GGT7: variants seen among roughly 807,000 people sequenced by gnomAD.
The protein encoded by GGT7 is gamma-glutamyltransferase 7.
In GGT7, 30 loss-of-function variants were observed where a neutral mutation model predicts 69.2. The ratio of observed to expected loss-of-function variants is 0.43; its 90% CI spans 0.32 to 0.59. GGT7 has a LOEUF of 0.59. Among genes scored for constraint, GGT7 ranks in the 20% least tolerant of loss-of-function variants. GGT7 has a pLI of 0.05. For missense variants in GGT7, 733 were observed against 901.1 expected, an observed-to-expected ratio of 0.81 and a Z score of 2.39; for synonymous variants, 388 against 391.8, an observed-to-expected ratio of 0.99 and a Z score of 0.12.
Position 34,859,424 on chromosome 20 carries a change from G to A in GGT7, c.1014+19C>T, listed in dbSNP as rs368589902. 338 of 1,550,838 alleles carry A rather than the reference G, an allele frequency of 2.2e-4. No individual in the cohort carries two copies. Among genetic ancestry groups the A allele is most frequent in the Middle Eastern group, 3.5e-4 (2 of 5,764 alleles). ...GGGACCTTGGGGCATGCCCCCACCC[G>A]CACAACACGAGCACTTACCTCGGCC... On this transcript the variant is annotated intron_variant, in intron 7 of 14. Transcript: ENST00000336431.
intron 14 of GGT7, among the ~76,000 whole-genome samples, chr20:34,848,641 G>T (rs1316978263): frequency 6.6e-6 from 1 of 152,248 alleles, no homozygotes; most frequent in Non-Finnish European, 1.5e-5. Flanking sequence ...TGCTTCTAAT[G>T]TGATTCAGTC....
intron 6 of GGT7, 105 bp downstream of exon 6, chr20:34,859,864 A>T: frequency 1.1e-6 from 1 of 894,718 alleles, no homozygotes; most frequent in Non-Finnish European, 1.8e-6. Flanking sequence ...GGGTCTGAGG[A>T]GCAAACTGGA....
intron 14 of GGT7, among the ~76,000 whole-genome samples, chr20:34,849,028 T>A (rs1222961576): frequency 6.6e-6 from 1 of 152,196 alleles, no homozygotes; most frequent in Admixed American, 6.5e-5. Flanking sequence ...TGATCTAATT[T>A]CATCCTTGCT....
At chr20:34,855,591 C>G (rs1345586607) in intron 8 of GGT7, among the ~76,000 whole-genome samples, 1 of 152,094 alleles carries the variant, frequency 6.6e-6, no homozygotes, top group African/African-American at 2.4e-5. Context: ...TCAGTGCATG[C>G]TCTGATCAGG....
chr20:34,854,474 C>A, intron 10 of GGT7, 57 bp downstream of exon 10: 1 of 1,057,566 alleles, frequency 9.5e-7, no homozygotes, highest in South Asian at 1.3e-5. Context: ...TTTCTCCTGA[C>A]CCTTTCCCCA....
At chr20:34,866,109 C>T (rs748907442) in intron 1 of GGT7, among the ~76,000 whole-genome samples, 3 of 152,104 alleles carry the variant, frequency 2.0e-5, no homozygotes, top group Non-Finnish European at 4.4e-5. Context: ...GATCCACAGT[C>T]CCATCTTTTG....
At chr20:34,867,000 CCAAA>C (rs771068123) in intron 1 of GGT7, among the ~76,000 whole-genome samples, 43 of 152,324 alleles carry the variant, frequency 2.8e-4, no homozygotes, top group Non-Finnish European at 5.1e-4. Context: ...TGGAATTCAT[CCAAA>C]CAAACAGACG....
intron 8 of GGT7, 57 bp downstream of exon 8, chr20:34,856,745 GTGGC>G: frequency 2.2e-6 from 2 of 918,902 alleles, no homozygotes; most frequent in Non-Finnish European, 3.6e-6. Flanking sequence ...CCAAAACGAT[GTGGC>G]CATGGACTGG....
At position 34,850,141 on chromosome 20, in the gene GGT7, A is replaced by AG. The variant is rs1327576236; in HGVS notation, c.1726-82dup. 1.1e-5 allele frequency: 11 copies of AG among 964,118 alleles called. No individual in the cohort carries two copies. The African/African-American group carries it at 1.6e-4, about 14-fold the overall frequency. 59.7% of individuals were successfully genotyped at this position (964,118 alleles called of 1,614,324 possible). On this transcript the variant is annotated intron_variant, in intron 13 of 14. Coordinates refer to ENST00000336431, the MANE Select transcript of GGT7 (RefSeq NM_178026.3). ...ATTCCTCAGCTCTCACCCTTGGTCC[A>AG]GGCTCCTTAGTCTTGAGAATTCTTA...
intron 7 of GGT7, 86 bp from the exon 8 acceptor site, chr20:34,856,979 C>T (rs2079504403): frequency 1.2e-6 from 1 of 833,692 alleles, no homozygotes; most frequent in Admixed American, 2.0e-5. Context: ...ACAGACAGAT[C>T]AGCTGTTTAT....
Position 34,863,570 on chromosome 20 carries a change from C to G in GGT7, c.170-22G>C. The G allele has an allele frequency of 6.6e-7, 1 of 1,509,314 alleles. No homozygotes were observed. The highest frequency in any genetic ancestry group is 2.5e-5 in the East Asian group (1 of 40,708). The allele number at this position is 1,509,314 out of a possible 1,614,324, so 93.5% of individuals were successfully genotyped here. On this transcript the variant is annotated intron_variant, in intron 1 of 14. Coordinates refer to ENST00000336431, the MANE Select transcript of GGT7 (RefSeq NM_178026.3). The surrounding 1 kb of genome is among the most constrained non-coding windows in gnomAD (Gnocchi z 4.4). ...GGGTCTGCGGGCAGGCAGCCGGGGT[C>G]GGTCTGGGCATCTCCTATCTGGCCC...
intron 7 of GGT7, among the ~76,000 whole-genome samples, chr20:34,857,441 C>T (rs1352016714): frequency 1.3e-5 from 2 of 152,126 alleles, no homozygotes; most frequent in Non-Finnish European, 2.9e-5. Context: ...TGGACATAAC[C>T]AAGCCCTCAT....
intron 7 of GGT7, among the ~76,000 whole-genome samples, chr20:34,857,456 GACCAATGA>G (rs1303134550): frequency 6.6e-6 from 1 of 152,058 alleles, no homozygotes. Context: ...CCTCATTATT[GACCAATGA>G]ACCAATCTTG....
chr20:34,851,191 G>T (rs776545181), intron 13 of GGT7, 40 bp downstream of exon 13: 2 of 1,607,862 alleles, frequency 1.2e-6, no homozygotes, highest in Non-Finnish European at 8.5e-7. Context: ...CCACAGCTTG[G>T]CTCCCGGCTG....
In GGT7 at chr20:34,845,376, A is replaced by T; in HGVS notation, c.1941T>A (p.Ala647=). The T allele has an allele frequency of 6.2e-7, 1 of 1,614,194 alleles. No individual in the cohort carries two copies. Residue 647 remains alanine, a synonymous_variant, in exon 15 of 15, where the codon GCT becomes GCA. Coordinates refer to ENST00000336431, the MANE Select transcript of GGT7 (RefSeq NM_178026.3). Reference sequence around the variant, plus strand: ...CATCTGGGCTCCGAGGGTCCTTAACAGCGATGATGAAGTTGTTGGTCCTTC... The same window carrying T: ...CATCTGGGCTCCGAGGGTCCTTAACTGCGATGATGAAGTTGTTGGTCCTTC... ...GSRRTNNFII[A]VKDPRSPDAA...
At chr20:34,862,692 G>C in intron 3 of GGT7, 122 bp downstream of exon 3, 1 of 955,026 alleles carries the variant, frequency 1.0e-6, no homozygotes, top group Non-Finnish European at 1.7e-6. Context: ...TGTAGAAAGA[G>C]AAAATGCAAG....
In GGT7 at chr20:34,863,876, G is replaced by A; in HGVS notation, c.170-328C>T. On this transcript the variant is annotated intron_variant, in intron 1 of 14. Coordinates refer to ENST00000336431, the MANE Select transcript of GGT7 (RefSeq NM_178026.3). This position sits in a 1 kb window ranked among gnomAD's most constrained non-coding sequence, Gnocchi z 4.4. ...GGTGGGGTGGGGGTTCCAGCCCTCA[G>A]TGGAAATCGGATCCTGCCCCAGTTG... 1 of 519,228 alleles carries A rather than the reference G, an allele frequency of 1.9e-6. No homozygotes were observed. Among genetic ancestry groups the A allele is most frequent in the Non-Finnish European group, 3.6e-6 (1 of 274,506 alleles). 32.2% of individuals were successfully genotyped at this position (519,228 alleles called of 1,614,324 possible).
chr20:34,871,380 T>G (rs1374719615), intron 1 of GGT7, among the ~76,000 whole-genome samples: 1 of 152,182 alleles, frequency 6.6e-6, no homozygotes, highest in South Asian at 2.1e-4. Flanking sequence ...TCCTGACTAC[T>G]GAATAAAAGG....
chr20:34,869,904 T>C (rs1460492938), intron 1 of GGT7, among the ~76,000 whole-genome samples: 1 of 152,178 alleles, frequency 6.6e-6, no homozygotes, highest in Non-Finnish European at 1.5e-5. Context: ...ACACAAGGGC[T>C]TGGAGCTCAG....
Sources: gnomAD v4.1 joint callset for allele counts (sites outside exome capture counted in the v4.1 genomes callset) on GRCh38, gnomAD v4.1.1 for gene constraint, Gnocchi (gnomAD v3.1) non-coding constraint, MANE v1.5 for transcripts, NCBI Gene and HGNC (gene_info 2026-07-23, HGNC 2026-07-21) for gene names.